Variants in PLEKHM3 observed in about 807,000 individuals in gnomAD.
PLEKHM3 encodes pleckstrin homology domain-containing family M member 3.
PLEKHM3 carries 45 observed loss-of-function variants against 81.8 expected under a neutral mutation model. The observed-to-expected ratio is 0.55, with a 90% CI of 0.43 to 0.71. The LOEUF is 0.71. PLEKHM3 is among the 30% of genes least tolerant of loss of function. The pLI is 0.00. For synonymous variants in PLEKHM3, 352 were observed against 356.4 expected (o/e 0.99, Z 0.14); for missense variants, 788 against 924.3 (o/e 0.85, Z 1.91).
At chr2:207,862,996 T>G (rs565026035) in intron 6 of PLEKHM3, among the ~76,000 whole-genome samples, 1 of 152,260 alleles carries the variant, frequency 6.6e-6, no homozygotes, top group East Asian at 1.9e-4. Context: ...TGTGGTGAGG[T>G]TGCACCAGGA....
chr2:207,999,174 G>A (rs1233052672), intron 2 of PLEKHM3, among the ~76,000 whole-genome samples: 3 of 151,850 alleles, frequency 2.0e-5, no homozygotes, highest in Non-Finnish European at 2.9e-5. Flanking sequence ...GTAGAGACAG[G>A]GTTTTGCCAT....
chr2:207,855,958 G>A (rs2092435482), intron 7 of PLEKHM3, among the ~76,000 whole-genome samples: 1 of 152,090 alleles, frequency 6.6e-6, no homozygotes, highest in Non-Finnish European at 1.5e-5. Context: ...ATCAATATTG[G>A]TTCATTAATT....
intron 5 of PLEKHM3, among the ~76,000 whole-genome samples, chr2:207,913,555 G>T (rs1033688760): frequency 2.0e-5 from 3 of 152,092 alleles, no homozygotes; most frequent in African/African-American, 7.2e-5. Flanking sequence ...GAAAGTGCCT[G>T]CTGGCAAACA....
At chr2:207,992,893 C>T (rs1691944690) in intron 2 of PLEKHM3, among the ~76,000 whole-genome samples, 1 of 152,044 alleles carries the variant, frequency 6.6e-6, no homozygotes, top group South Asian at 2.1e-4. Flanking sequence ...CTTGAAAGCA[C>T]ATGGCACTTT....
At chr2:207,923,882 T>C (rs6712790) in intron 5 of PLEKHM3, among the ~76,000 whole-genome samples, 9,528 of 39,144 alleles carry the variant, frequency 0.24, 927 homozygotes, top group South Asian at 0.33. Context: ...CACACACACA[T>C]ATATATATAT....
At chr2:207,902,712 C>T (rs1284677533) in intron 6 of PLEKHM3, among the ~76,000 whole-genome samples, 1 of 152,134 alleles carries the variant, frequency 6.6e-6, no homozygotes, top group East Asian at 1.9e-4. Context: ...TTTTGTTTAG[C>T]GGCTAATGTT....
At chr2:207,893,146 T>C (rs1201202824) in intron 6 of PLEKHM3, among the ~76,000 whole-genome samples, 1 of 152,198 alleles carries the variant, frequency 6.6e-6, no homozygotes, top group Non-Finnish European at 1.5e-5. Flanking sequence ...TTGTTATCTC[T>C]ATGTTAAATT....
chr2:207,923,844 T>C (rs1183271240), intron 5 of PLEKHM3, among the ~76,000 whole-genome samples: 5 of 94,812 alleles, frequency 5.3e-5, no homozygotes, highest in Admixed American at 1.2e-4. Context: ...TATACATACA[T>C]ACACACGCAC....
At chr2:207,840,770 T>C (rs1464269985) in intron 7 of PLEKHM3, among the ~76,000 whole-genome samples, 1 of 151,520 alleles carries the variant, frequency 6.6e-6, no homozygotes, top group East Asian at 1.9e-4. Flanking sequence ...TCTTTACCTA[T>C]AGAATTTTAA....
In PLEKHM3 at chr2:207,828,311, G is replaced by T. The variant is rs766421695; in HGVS notation, c.*8C>A. ...TTGGTGAATCCCTGGCCTTCGGGTC[G>T]GCTGGAGTCAGGTGTTCTGGTAGGA... On this transcript the variant is annotated 3_prime_UTR_variant, in exon 8 of 8. Coordinates refer to ENST00000427836, the MANE Select transcript of PLEKHM3 (RefSeq NM_001080475.3). 4.4e-6 allele frequency: 7 copies of T among 1,602,582 alleles called. No individual in the cohort carries two copies. The highest frequency in any genetic ancestry group is 2.7e-5 in the African/African-American group (2 of 74,536).
intron 6 of PLEKHM3, among the ~76,000 whole-genome samples, chr2:207,890,315 T>C (rs1464680338): frequency 1.3e-5 from 2 of 152,128 alleles, no homozygotes; most frequent in African/African-American, 2.4e-5. Flanking sequence ...CTGTGAATAA[T>C]ATATATTAAT....
intron 6 of PLEKHM3, among the ~76,000 whole-genome samples, chr2:207,867,707 A>C (rs1204918600): frequency 2.0e-5 from 3 of 152,086 alleles, no homozygotes; most frequent in Non-Finnish European, 4.4e-5. Flanking sequence ...ACACATAGAC[A>C]TATACATTTA....
chr2:207,943,847 G>A (rs1690027759), intron 4 of PLEKHM3, among the ~76,000 whole-genome samples: 1 of 121,288 alleles, frequency 8.2e-6, no homozygotes, highest in Admixed American at 1.1e-4. Context: ...CAGCCTGGGC[G>A]ACAGAGCGAG....
intron 1 of PLEKHM3, among the ~76,000 whole-genome samples, chr2:208,015,898 T>C (rs1692892799): frequency 6.6e-6 from 1 of 152,224 alleles, no homozygotes; most frequent in Non-Finnish European, 1.5e-5. Flanking sequence ...TAAGGCATAT[T>C]GAAATAAATC....
chr2:207,899,629 T>C (rs1254960162), intron 6 of PLEKHM3, among the ~76,000 whole-genome samples: 3 of 152,204 alleles, frequency 2.0e-5, no homozygotes, highest in Admixed American at 2.0e-4. Context: ...TTCCTCGTTC[T>C]TGCACCTCAA....
At chr2:207,881,580 G>A (rs902926573) in intron 6 of PLEKHM3, among the ~76,000 whole-genome samples, 1 of 152,166 alleles carries the variant, frequency 6.6e-6, no homozygotes, top group Non-Finnish European at 1.5e-5. Context: ...GTAACTATGT[G>A]TGCTTCCCAA....
intron 5 of PLEKHM3, among the ~76,000 whole-genome samples, chr2:207,924,640 G>C (rs1020059824): frequency 6.6e-6 from 1 of 152,046 alleles, no homozygotes; most frequent in Non-Finnish European, 1.5e-5. Flanking sequence ...AGCTGAGATC[G>C]CGCCACTGCA....
chr2:207,930,870 C>T lies in PLEKHM3; in HGVS notation c.1886+56G>A, dbSNP rs566173435. ...GCCCTTTGGAGATAATCTCACCACCCTCCGTGGGCGGGAAAGAAAAACAAA... is the reference window on the plus strand; with the variant it reads ...GCCCTTTGGAGATAATCTCACCACCTTCCGTGGGCGGGAAAGAAAAACAAA... On this transcript the variant is annotated intron_variant, in intron 5 of 7. Coordinates refer to ENST00000427836, the MANE Select transcript of PLEKHM3 (RefSeq NM_001080475.3). The T allele has an allele frequency of 4.4e-5, 70 of 1,584,240 alleles. No homozygotes were observed. In the South Asian group the frequency reaches 5.3e-4, roughly 12 times the overall value.
At chr2:207,887,594 A>G (rs1053881522) in intron 6 of PLEKHM3, among the ~76,000 whole-genome samples, 3 of 152,254 alleles carry the variant, frequency 2.0e-5, no homozygotes, top group Non-Finnish European at 4.4e-5. Context: ...TATGAAATAC[A>G]GTAAGGGAGG....
Sources: gnomAD v4.1 joint callset for allele counts (sites outside exome capture counted in the v4.1 genomes callset) on GRCh38, gnomAD v4.1.1 for gene constraint, MANE v1.5 for transcripts, NCBI Gene and HGNC (gene_info 2026-07-23, HGNC 2026-07-21) for gene names.